KIAA1217: variants seen among roughly 807,000 people sequenced by gnomAD.
The protein encoded by KIAA1217 is sickle tail protein homolog.
KIAA1217 carries 88 observed loss-of-function variants against 163.9 expected under a neutral mutation model. The observed-to-expected ratio is 0.54, with a 90% confidence interval of 0.45 to 0.64. The LOEUF (loss-of-function observed/expected upper bound fraction) is 0.64, where lower values mean the gene tolerates loss of function less well. Among genes scored for constraint, KIAA1217 ranks in the 30% least tolerant of loss-of-function variants. The pLI is 0.00. For missense variants in KIAA1217, 2,372 were observed against 2,475.0 expected (o/e 0.96, Z 0.88); for synonymous variants, 903 against 923.1 (o/e 0.98, Z 0.39).
chr10:24,527,869 G>C, intron 13 of KIAA1217, 67 bp from the exon 14 acceptor site: 5 of 1,247,718 alleles, frequency 4.0e-6, no homozygotes, highest in Non-Finnish European at 4.6e-6. Context: ...CCCTCTGAGA[G>C]GTCCCAGTGT....
chr10:24,201,582 C>T (rs1392146604), intron 2 of KIAA1217, among the ~76,000 whole-genome samples: 2 of 152,104 alleles, frequency 1.3e-5, no homozygotes, highest in Non-Finnish European at 2.9e-5. Context: ...CTTCCTCTAC[C>T]TCCTGCATGC....
At chr10:24,206,629 T>A (rs1407401783), upstream of KIAA1217, among the ~76,000 whole-genome samples, 1 of 152,188 alleles carries the variant, frequency 6.6e-6, no homozygotes, top group Non-Finnish European at 1.5e-5. Flanking sequence ...AATAGAAGCT[T>A]TTCCCTATAG....
intron 2 of KIAA1217, among the ~76,000 whole-genome samples, chr10:24,335,646 G>C (rs868827957): frequency 2.5e-4 from 36 of 145,314 alleles, no homozygotes; most frequent in Middle Eastern, 7.2e-3. Context: ...GTCTCGTTCT[G>C]TCGCCCAGGC....
chr10:24,466,622 T>C, intron 5 of KIAA1217: 1 of 985,424 alleles, frequency 1.0e-6, no homozygotes, highest in South Asian at 4.7e-5. Flanking sequence ...TTTAGGATCT[T>C]TGTGTCTTTT....
chr10:23,918,843 G>A (rs1048166901), intron 1 of KIAA1217, among the ~76,000 whole-genome samples: 2 of 151,992 alleles, frequency 1.3e-5, no homozygotes, highest in African/African-American at 2.4e-5. Flanking sequence ...GCTGACAGCA[G>A]ATGCCAAGAC....
At chr10:24,170,995 A>G (rs926290553) in intron 2 of KIAA1217, among the ~76,000 whole-genome samples, 4 of 152,248 alleles carry the variant, frequency 2.6e-5, no homozygotes, top group Non-Finnish European at 5.9e-5. Flanking sequence ...TGTTTTCTAA[A>G]CACTCTATTT....
chr10:23,866,202 G>C (rs150739143), intron 1 of KIAA1217, among the ~76,000 whole-genome samples: 488 of 151,932 alleles, frequency 3.2e-3, no homozygotes, highest in African/African-American at 0.011. Context: ...GTGTGATGTC[G>C]GGGGGAGATA....
intron 1 of KIAA1217, among the ~76,000 whole-genome samples, chr10:23,840,815 G>A (rs144183571): frequency 9.8e-4 from 149 of 152,212 alleles, no homozygotes; most frequent in African/African-American, 3.3e-3. Context: ...ATCAGAGTTC[G>A]ACAGAACTGA....
intron 2 of KIAA1217, among the ~76,000 whole-genome samples, chr10:24,149,176 T>G (rs2064481762): frequency 6.6e-6 from 1 of 152,006 alleles, no homozygotes; most frequent in Non-Finnish European, 1.5e-5. Context: ...TCAAGAATGG[T>G]TTTATGTTTT....
chr10:24,021,510 G>T (rs1388261053), intron 2 of KIAA1217, among the ~76,000 whole-genome samples: 1 of 151,964 alleles, frequency 6.6e-6, no homozygotes, highest in African/African-American at 2.4e-5. Flanking sequence ...TTGTCAGAAT[G>T]TCTGTTATTC....
intron 2 of KIAA1217, among the ~76,000 whole-genome samples, chr10:24,166,599 G>A (rs1464630616): frequency 6.6e-6 from 1 of 152,056 alleles, no homozygotes; most frequent in Non-Finnish European, 1.5e-5. Flanking sequence ...TTAACTAGGC[G>A]TAATGGGGCA....
chr10:23,786,602 T>G (rs1020130233), intron 1 of KIAA1217, among the ~76,000 whole-genome samples: 1 of 152,022 alleles, frequency 6.6e-6, no homozygotes, highest in African/African-American at 2.4e-5. Flanking sequence ...CTTTGGTACA[T>G]GCTGCAAAGA....
chr10:23,699,015 T>C (rs543526043), intron 1 of KIAA1217, among the ~76,000 whole-genome samples: 23 of 152,204 alleles, frequency 1.5e-4, no homozygotes, highest in Non-Finnish European at 3.1e-4. Flanking sequence ...CATGAGCCAC[T>C]GCACCTGGCT....
intron 2 of KIAA1217, among the ~76,000 whole-genome samples, chr10:24,023,685 TATAAA>T (rs1234223923): frequency 1.3e-5 from 2 of 151,700 alleles, no homozygotes; most frequent in African/African-American, 2.4e-5. Flanking sequence ...CTTCAAAAGA[TATAAA>T]ATAATGTTCA....
At chr10:24,006,806 C>T (rs950068257) in intron 1 of KIAA1217, among the ~76,000 whole-genome samples, 2 of 152,144 alleles carry the variant, frequency 1.3e-5, no homozygotes, top group Non-Finnish European at 2.9e-5. Flanking sequence ...GCGGCATAGC[C>T]ACTGCAGCTG....
intron 2 of KIAA1217, among the ~76,000 whole-genome samples, chr10:24,017,625 AC>A (rs1480242493): frequency 7.5e-4 from 114 of 152,202 alleles, no homozygotes; most frequent in African/African-American, 2.6e-3. Flanking sequence ...GATACAACAT[AC>A]CTAAAAAGCT....
At chr10:24,067,322 G>A (rs989206922) in intron 2 of KIAA1217, among the ~76,000 whole-genome samples, 15 of 152,042 alleles carry the variant, frequency 9.9e-5, no homozygotes, top group Admixed American at 9.8e-4. Flanking sequence ...TGGGTTTTTG[G>A]TATGGATGTC....
chr10:24,438,361 T>C (rs1223431361), intron 4 of KIAA1217, 25 bp from the exon 5 acceptor site: 3 of 1,536,146 alleles, frequency 2.0e-6, no homozygotes, highest in East Asian at 4.5e-5. Flanking sequence ...TCATCTGCCA[T>C]AGTTATCGAT....
At chr10:24,397,820 C>G (rs1564611446) in intron 3 of KIAA1217, among the ~76,000 whole-genome samples, 1 of 152,316 alleles carries the variant, frequency 6.6e-6, no homozygotes, top group East Asian at 1.9e-4. Flanking sequence ...CAGTGCCATT[C>G]ACACCTGTAG....
Sources: gnomAD v4.1 joint callset for allele counts (sites outside exome capture counted in the v4.1 genomes callset) on GRCh38, gnomAD v4.1.1 for gene constraint, MANE v1.5 for transcripts, NCBI Gene and HGNC (gene_info 2026-07-23, HGNC 2026-07-21) for gene names.